The following CLSTN1 variants were observed in gnomAD, a reference collection of about 807,000 sequenced individuals.
The protein encoded by CLSTN1 is calsyntenin 1.
A neutral mutation model predicts 108.3 loss-of-function variants in CLSTN1; 28 were observed. That is an observed-to-expected ratio of 0.26 (90% CI 0.19 to 0.35). CLSTN1 has a LOEUF of 0.35. Ranked by LOEUF, CLSTN1 falls within the 10% of genes least tolerant of loss-of-function variation. The pLI, the probability that CLSTN1 is intolerant of heterozygous loss-of-function variation, is 1.00. For missense variants in CLSTN1, 1,157 were observed against 1,302.6 expected, an observed-to-expected ratio of 0.89 and a Z score of 1.72; for synonymous variants, 524 against 534.9, an observed-to-expected ratio of 0.98 and a Z score of 0.28.
chr1:9,772,105 T>C (rs1483431716), intron 2 of CLSTN1, among the ~76,000 whole-genome samples: 2 of 135,986 alleles, frequency 1.5e-5, no homozygotes. Context: ...GCCTCCGGAG[T>C]ACCTAGGACT....
At chr1:9,745,656 A>G (rs566627605) in intron 7 of CLSTN1, among the ~76,000 whole-genome samples, 1 of 152,088 alleles carries the variant, frequency 6.6e-6, no homozygotes, top group Non-Finnish European at 1.5e-5. Context: ...CTGTCTCAAA[A>G]ATATATAAAC....
intron 2 of CLSTN1, among the ~76,000 whole-genome samples, chr1:9,770,552 T>C (rs934625375): frequency 6.6e-6 from 1 of 152,218 alleles, no homozygotes; most frequent in African/African-American, 2.4e-5. Context: ...CCCAGAGCAA[T>C]AGCTTAACTA....
rs1487367439 is a variant in CLSTN1, at chr1:9,736,001, C to A, written c.1618G>T (p.Ala540Ser). The A allele has an allele frequency of 1.9e-6, 3 of 1,614,186 alleles. No individual in the cohort carries two copies. The highest frequency in any genetic ancestry group is 1.7e-6 in the Non-Finnish European group (2 of 1,180,044). ...TTCCCGGAACGGAGAGTTAAGCCAG[C>A]CAGATTGCCTCGGAAAAACTGGGTC... ...HMTQFFRGNL[A>S]GLTLRSGKLA... The change falls in exon 12 of 19, where the codon GCT (alanine) becomes TCT (serine). Residue 540 changes from alanine to serine, a missense_variant. Physicochemically the swap from Ala to Ser is moderately conservative, Grantham distance 99. Transcript: ENST00000377298.
chr1:9,776,807 T>TATCAGCATTTATCTATC (rs1652967407), intron 1 of CLSTN1, among the ~76,000 whole-genome samples: 3 of 145,146 alleles, frequency 2.1e-5, no homozygotes, highest in African/African-American at 8.4e-5. Context: ...TCTATCTATC[T>TATCAGCATTTATCTATC]ATCTATCAGC....
chr1:9,779,581 C>CAAAAAACAA (rs1312950617), intron 1 of CLSTN1, among the ~76,000 whole-genome samples: 8 of 150,914 alleles, frequency 5.3e-5, no homozygotes, highest in Non-Finnish European at 1.2e-4. Context: ...AACTCTGTCT[C>CAAAAAACAA]AAAAAACAAA....
chr1:9,809,252 C>T (rs1654629604), intron 1 of CLSTN1, among the ~76,000 whole-genome samples: 1 of 152,200 alleles, frequency 6.6e-6, no homozygotes, highest in Admixed American at 6.5e-5. Context: ...ACCCCCCAGC[C>T]TCCAGGAGTC....
rs1359901273 is a variant in CLSTN1 at position 9,749,900 on chromosome 1, G to A, written c.663C>T (p.Asn221=). 2 of 1,613,662 alleles carry A rather than the reference G, an allele frequency of 1.2e-6. No homozygotes were observed. The highest frequency in any genetic ancestry group is 1.7e-6 in the Non-Finnish European group (2 of 1,179,870). Residue 221 remains asparagine (N), a synonymous_variant, in exon 6 of 19, where the codon AAC becomes AAT. Transcript: ENST00000377298. ...CTTTCCCGTAGTTTAATTTCTCTGT[G>A]TTTTTTATATAACCTTACAGAGGGC... is the stretch of plus-strand genomic sequence containing the variant. ...FTVDKDGYIK[N]TEKLNYGKEH...
rs1553182537 is a variant in CLSTN1, at chr1:9,800,940, A to AAAAG, written c.91+22702_91+22703insCTTT. 8.4e-3 allele frequency among the ~76,000 whole-genome samples: 1,268 copies of AAAAG among 151,554 alleles called. 20 individuals carry two copies. The highest frequency in any genetic ancestry group is 0.041 in the East Asian group (212 of 5,136). On this transcript the variant is annotated intron_variant, in intron 1 of 18. Coordinates refer to ENST00000377298, the MANE Select transcript of CLSTN1 (RefSeq NM_001009566.3). ...GACAACAGAGTGAGACTCAGTCTCA[A>AAAAG]AAATAAATAAATAAATAAATAAGAG...
chr1:9,802,199 G>A (rs1654302575), intron 1 of CLSTN1, among the ~76,000 whole-genome samples: 1 of 152,172 alleles, frequency 6.6e-6, no homozygotes, highest in Non-Finnish European at 1.5e-5. Flanking sequence ...GCTCCACTAT[G>A]CTCTTGCAGT....
intron 1 of CLSTN1, among the ~76,000 whole-genome samples, chr1:9,800,181 TCAG>T (rs1021115152): frequency 2.6e-5 from 4 of 151,346 alleles, no homozygotes; most frequent in Non-Finnish European, 4.4e-5. Flanking sequence ...TAGAAAAAGA[TCAG>T]CAGATTAAAT....
At position 9,730,586 on chromosome 1, in the gene CLSTN1, C is replaced by A; in HGVS notation, c.2868G>T (p.Glu956Asp). 6.2e-7 allele frequency: 1 copy of A among 1,609,806 alleles called. No individual in the cohort carries two copies. The change falls in exon 19 of 19, where the codon GAG becomes GAT. Residue 956 changes from glutamate (E) to aspartate (D), a missense_variant. Coordinates refer to ENST00000377298, the MANE Select transcript of CLSTN1 (RefSeq NM_001009566.3). This position sits in a 1 kb window ranked among gnomAD's most constrained non-coding sequence, Gnocchi z 5.6. ...TSAESESSEE[E>D]EGEQGDPQNA... Reference sequence around the variant, plus strand: ...TCTGGGGGTCGCCCTGCTCCCCCTCCTCCTCCTCGCTGCTCTCCGACTCGG... The same window carrying A: ...TCTGGGGGTCGCCCTGCTCCCCCTCATCCTCCTCGCTGCTCTCCGACTCGG...
chr1:9,820,010 C>G (rs1221681585), intron 1 of CLSTN1, among the ~76,000 whole-genome samples: 1 of 151,876 alleles, frequency 6.6e-6, no homozygotes, highest in Non-Finnish European at 1.5e-5. Flanking sequence ...ATACTGCAAC[C>G]AACAGAATTG....
Position 9,773,213 on chromosome 1 carries a change from G to C in CLSTN1, c.214+59C>G, listed in dbSNP as rs1281426636. The C allele has an allele frequency of 8.7e-6, 14 of 1,607,240 alleles. No individual in the cohort carries two copies. The East Asian group carries it at 3.1e-4, about 36-fold the overall frequency. On this transcript the variant is annotated intron_variant, in intron 2 of 18. Coordinates refer to ENST00000377298, the MANE Select transcript of CLSTN1 (RefSeq NM_001009566.3). ...GCTCAGCATTACCCAAATGGGATGT[G>C]CAGAATGCTTCCTGACCAGGCCCGA... is the stretch of plus-strand genomic sequence containing the variant.
chr1:9,804,294 C>T (rs1372854031), intron 1 of CLSTN1, among the ~76,000 whole-genome samples: 1 of 139,514 alleles, frequency 7.2e-6, no homozygotes, highest in Non-Finnish European at 1.5e-5. Flanking sequence ...ACCCGGGAGG[C>T]AGAAGTTGCA....
chr1:9,765,321 T>C (rs1425677647), intron 2 of CLSTN1, among the ~76,000 whole-genome samples: 2 of 151,314 alleles, frequency 1.3e-5, no homozygotes, highest in African/African-American at 2.4e-5. Flanking sequence ...GAGGCGGAGG[T>C]TGCGGTGAGC....
At position 9,730,581 on chromosome 1, in the gene CLSTN1, CCCT is replaced by C. The variant is rs751635546; in HGVS notation, c.2870_2872del (p.Glu957del). The C allele has an allele frequency of 1.6e-5, 25 of 1,608,730 alleles. No individual in the cohort carries two copies. The highest frequency in any genetic ancestry group is 4.5e-5 in the East Asian group (2 of 44,858). ...TGCGTTCTGGGGGTCGCCCTGCTCC[CCCT>C]CCTCCTCCTCGCTGCTCTCCGACTC... On this transcript the variant is annotated inframe_deletion, in exon 19 of 19. Transcript: ENST00000377298. The surrounding 1 kb of genome is among the most constrained non-coding windows in gnomAD (Gnocchi z 5.6).
At chr1:9,819,935 CAG>C (rs1479627857) in intron 1 of CLSTN1, among the ~76,000 whole-genome samples, 1 of 152,026 alleles carries the variant, frequency 6.6e-6, no homozygotes, top group Non-Finnish European at 1.5e-5. Flanking sequence ...AAGGGACTAA[CAG>C]GGGTAGCCAC....
chr1:9,764,637 TAAAAAAAAAAAAAAAAA>T (rs70998307), intron 2 of CLSTN1, among the ~76,000 whole-genome samples: 9 of 82,334 alleles, frequency 1.1e-4, no homozygotes, highest in African/African-American at 4.3e-4. Flanking sequence ...GCTCCATCTT[TAAAAAAAAAAAAAAAAA>T]AAAAAAAAAA....
chr1:9,755,155 ACAAT>A lies in CLSTN1; in HGVS notation c.395_398del (p.Asp132ValfsTer10). 6.2e-7 allele frequency: 1 copy of A among 1,613,640 alleles called. No homozygotes were observed. The highest frequency in any genetic ancestry group is 8.5e-7 in the Non-Finnish European group (1 of 1,179,708). ...CGTTGGTGCCATCAGGTCCCTTCCCACAATCATAGGCCTGGATGGTGAATGAATA... is the reference window on the plus strand; with the variant it reads ...CGTTGGTGCCATCAGGTCCCTTCCCACATAGGCCTGGATGGTGAATGAATA... On this transcript the variant is annotated frameshift_variant, in exon 4 of 19. Transcript: ENST00000377298. LOFTEE classifies it high-confidence loss of function.
Sources: gnomAD v4.1 joint callset for allele counts (sites outside exome capture counted in the v4.1 genomes callset) on GRCh38, gnomAD v4.1.1 for gene constraint, Gnocchi (gnomAD v3.1) non-coding constraint, MANE v1.5 for transcripts, NCBI Gene and HGNC (gene_info 2026-07-23, HGNC 2026-07-21) for gene names.